GRAMD2B: variants seen among roughly 807,000 people sequenced by gnomAD.
GRAMD2B encodes GRAM domain-containing protein 2B.
In GRAMD2B, 41 loss-of-function variants were observed where a neutral mutation model predicts 59.2. The ratio of observed to expected loss-of-function variants is 0.69; its 90% CI spans 0.54 to 0.90. GRAMD2B has a LOEUF of 0.90. GRAMD2B is among the 40% of genes least tolerant of loss of function. The pLI is 0.00. For synonymous variants in GRAMD2B, 161 were observed against 182.7 expected, an observed-to-expected ratio of 0.88 and a Z score of 0.96; for missense variants, 424 against 500.5, an observed-to-expected ratio of 0.85 and a Z score of 1.46.
chr5:126,427,599 G>A (rs1048973187), intron 1 of GRAMD2B, among the ~76,000 whole-genome samples: 1 of 152,122 alleles, frequency 6.6e-6, no homozygotes, highest in African/African-American at 2.4e-5. Context: ...AAAAGGAAGC[G>A]CTCTGGTATT....
chr5:126,458,717 T>C (rs1419894239), intron 1 of GRAMD2B: 1 of 152,208 alleles, frequency 6.6e-6, no homozygotes, highest in East Asian at 1.9e-4. Flanking sequence ...TGCTTTTCCC[T>C]ATTAACTGCC....
At chr5:126,366,886 GCT>G (rs1177075541), upstream of GRAMD2B, among the ~76,000 whole-genome samples, 2 of 123,872 alleles carry the variant, frequency 1.6e-5, no homozygotes, top group Non-Finnish European at 3.2e-5. Context: ...ATGGAGTCTC[GCT>G]CTGTTACCCA....
chr5:126,423,744 C>T, intron 1 of GRAMD2B, 55 bp downstream of exon 1: 5 of 1,523,912 alleles, frequency 3.3e-6, no homozygotes, highest in Non-Finnish European at 4.4e-6. Flanking sequence ...GCAGCCTAAA[C>T]TTCTCTGCCC....
chr5:126,360,191 A>T, exon 1 of GRAMD2B: 1 of 954,384 alleles, frequency 1.0e-6, no homozygotes, highest in African/African-American at 1.7e-5. Flanking sequence ...ACGCTGAAAG[A>T]GAAAACTTCT....
chr5:126,455,209 T>C (rs1766061605), intron 1 of GRAMD2B, among the ~76,000 whole-genome samples: 1 of 152,202 alleles, frequency 6.6e-6, no homozygotes, highest in African/African-American at 2.4e-5. Flanking sequence ...CCCTTGTTCT[T>C]GTACAAATAG....
Position 126,469,706 on chromosome 5 carries a change from T to C in GRAMD2B, c.233T>C (p.Leu78Ser), listed in dbSNP as rs145730327. The C allele has an allele frequency of 2.5e-6, 4 of 1,613,702 alleles. No individual in the cohort carries two copies. The highest frequency in any genetic ancestry group is 3.4e-6 in the Non-Finnish European group (4 of 1,179,740). Residue 78 changes from leucine to serine, a missense_variant, in exon 3 of 14, where the codon TTA (leucine) becomes TCA (serine). By Grantham distance (145) the Leu-to-Ser change is moderately radical. Coordinates refer to ENST00000285689, the MANE Select transcript of GRAMD2B (RefSeq NM_023927.4). ...WSKSSFDGAS[L>S]ASDKNDCKTE... ...AAATCCAGTTTTGATGGTGCCTCTT[T>C]AGCAAGTGATAAGAACGACTGTAAA...
chr5:126,493,043 G>C lies in GRAMD2B; in HGVS notation c.*87G>C. 1 of 973,758 alleles carries C rather than the reference G, an allele frequency of 1.0e-6. No individual in the cohort carries two copies. The highest frequency in any genetic ancestry group is 1.6e-6 in the Non-Finnish European group (1 of 606,666). The allele number at this position is 973,758 out of a possible 1,614,324, so 60.3% of individuals were successfully genotyped here. On this transcript the variant is annotated 3_prime_UTR_variant, in exon 14 of 14. Coordinates refer to ENST00000285689, the MANE Select transcript of GRAMD2B (RefSeq NM_023927.4). The stretch of plus-strand genomic sequence containing the variant: ...GAGGCGTTTTGTTTGAGTGCACCCT[G>C]CTGGTCAGAGGTGCAAGCAGATGAG...
At chr5:126,466,230 A>G in intron 2 of GRAMD2B, 1 of 1,545,942 alleles carries the variant, frequency 6.5e-7, no homozygotes, top group Non-Finnish European at 8.7e-7. Flanking sequence ...GCTACCTTCT[A>G]CTTCTTTTGG....
chr5:126,423,095 A>C (rs1001690620), upstream of GRAMD2B: 1 of 914,832 alleles, frequency 1.1e-6, no homozygotes, highest in Non-Finnish European at 1.3e-6. Flanking sequence ...GCCAGCCCAC[A>C]CAGCGCATTT....
chr5:126,404,491 G>A (rs1022156347), intron 1 of GRAMD2B, among the ~76,000 whole-genome samples: 1 of 151,764 alleles, frequency 6.6e-6, no homozygotes, highest in African/African-American at 2.4e-5. Context: ...TGAAATCATG[G>A]TCATATGCAG....
intron 1 of GRAMD2B, among the ~76,000 whole-genome samples, chr5:126,429,963 A>G (rs1374516291): frequency 1.3e-5 from 2 of 152,174 alleles, no homozygotes; most frequent in Non-Finnish European, 2.9e-5. Flanking sequence ...GCTTCCTGGC[A>G]CTGAGCTTTT....
chr5:126,474,926 C>T (rs1273379165), intron 5 of GRAMD2B, among the ~76,000 whole-genome samples: 1 of 152,138 alleles, frequency 6.6e-6, no homozygotes, highest in East Asian at 1.9e-4. Flanking sequence ...CTTGTATGTT[C>T]CATCCCTTCT....
At chr5:126,361,086 T>C (rs1056891576) in intron 1 of GRAMD2B, among the ~76,000 whole-genome samples, 4 of 152,238 alleles carry the variant, frequency 2.6e-5, no homozygotes, top group Non-Finnish European at 4.4e-5. Context: ...AACAAGTATA[T>C]GTAGAGATAT....
intron 1 of GRAMD2B, among the ~76,000 whole-genome samples, chr5:126,405,238 T>C (rs1758170740): frequency 1.3e-5 from 2 of 151,960 alleles, no homozygotes; most frequent in South Asian, 4.1e-4. Context: ...CCCTGGATGC[T>C]GTTTATCTCC....
At chr5:126,435,181 G>T (rs533935765) in intron 1 of GRAMD2B, among the ~76,000 whole-genome samples, 3 of 152,134 alleles carry the variant, frequency 2.0e-5, no homozygotes, top group African/African-American at 7.2e-5. Context: ...TCTGGGGAGA[G>T]GGGAATGGGA....
In GRAMD2B at chr5:126,377,320, T is replaced by C. The variant is rs1755274876; in HGVS notation, c.125+5753T>C. 2.0e-5 allele frequency among the ~76,000 whole-genome samples: 3 copies of C among 151,850 alleles called. No homozygotes were observed. The South Asian group carries it at 6.3e-4, about 32-fold the overall frequency. ...CACTATATCCTATATTAACCACTTA[T>C]CAGAATGTATTGCCATCAGGATGTA... On this transcript the variant is annotated intron_variant, in intron 1 of 8. Transcript: ENST00000506445.
At chr5:126,471,869 T>C (rs560635603) in intron 3 of GRAMD2B, among the ~76,000 whole-genome samples, 8 of 152,192 alleles carry the variant, frequency 5.3e-5, no homozygotes, top group Non-Finnish European at 1.0e-4. Flanking sequence ...ACCACTGTAC[T>C]CTTCTGAGAG....
chr5:126,424,598 T>G (rs1031538785), intron 1 of GRAMD2B, among the ~76,000 whole-genome samples: 6 of 152,256 alleles, frequency 3.9e-5, no homozygotes, highest in African/African-American at 1.4e-4. Flanking sequence ...GCTCAAAGTC[T>G]TGTTGAAGTC....
At chr5:126,402,687 AG>A (rs1234483448) in intron 1 of GRAMD2B, among the ~76,000 whole-genome samples, 3 of 152,098 alleles carry the variant, frequency 2.0e-5, no homozygotes, top group Non-Finnish European at 4.4e-5. Flanking sequence ...TAAGGCTATG[AG>A]CAGTATCTAT....
Sources: gnomAD v4.1 joint callset for allele counts (sites outside exome capture counted in the v4.1 genomes callset) on GRCh38, gnomAD v4.1.1 for gene constraint, MANE v1.5 for transcripts, NCBI Gene and HGNC (gene_info 2026-07-23, HGNC 2026-07-21) for gene names.